MAOB: variants seen among roughly 807,000 people sequenced by gnomAD.
MAOB encodes monoamine oxidase B, also known as amine oxidase [flavin-containing] B.
MAOB carries 15 observed loss-of-function variants against 41.9 expected under a neutral mutation model. The ratio of observed to expected loss-of-function variants is 0.36; its 90% CI spans 0.24 to 0.55. The LOEUF (loss-of-function observed/expected upper bound fraction) is 0.55. Among genes scored for constraint, MAOB ranks in the 20% least tolerant of loss-of-function variants. The probability of loss-of-function intolerance (pLI) is 0.86; values close to 1 mark genes in which losing one functional copy is unlikely to be tolerated. For missense variants in MAOB, 345 were observed against 398.7 expected (o/e 0.87, Z 1.15); for synonymous variants, 167 against 144.2 (o/e 1.16, Z -1.13).
intron 8 of MAOB, among the ~76,000 whole-genome samples, chrX:43,788,120 C>T (rs1025669957): frequency 9.0e-6 from 1 of 111,116 alleles, no homozygotes; most frequent in Non-Finnish European, 1.9e-5. Flanking sequence ...CCACTCATGG[C>T]TGAAGGTGAA....
At chrX:43,777,387 CA>C (rs374282429) in intron 11 of MAOB, among the ~76,000 whole-genome samples, 82 of 94,886 alleles carry the variant, frequency 8.6e-4, no homozygotes, top group Admixed American at 9.1e-4. Context: ...TATATGAAAG[CA>C]AAAAAAAAAA....
intron 7 of MAOB, among the ~76,000 whole-genome samples, chrX:43,794,591 C>G (rs2034504542): frequency 9.0e-6 from 1 of 110,816 alleles, no homozygotes; most frequent in Non-Finnish European, 1.9e-5. Context: ...ATAGGAGGTG[C>G]TTGATATTTA....
intron 1 of MAOB, among the ~76,000 whole-genome samples, chrX:43,867,619 T>C (rs927669403): frequency 2.7e-5 from 3 of 112,259 alleles, no homozygotes; most frequent in Non-Finnish European, 3.8e-5. Context: ...CAATATACTG[T>C]ACAGACCACC....
chrX:43,878,550 T>C (rs759983063), intron 1 of MAOB, among the ~76,000 whole-genome samples: 1 of 110,970 alleles, frequency 9.0e-6, no homozygotes, highest in East Asian at 2.8e-4. Context: ...CTTTTAATAT[T>C]GCTGTATTAC....
intron 3 of MAOB, among the ~76,000 whole-genome samples, chrX:43,807,791 G>A (rs1257118974): frequency 3.6e-5 from 4 of 112,284 alleles, no homozygotes; most frequent in Admixed American, 9.4e-5. Context: ...TGCCTAGGAC[G>A]TGCTGGCAGA....
intron 8 of MAOB, among the ~76,000 whole-genome samples, chrX:43,784,444 C>T (rs373968501): frequency 1.8e-5 from 2 of 112,457 alleles, no homozygotes; most frequent in East Asian, 2.8e-4. Context: ...ACAATAATCT[C>T]CTTGCACATC....
chrX:43,875,815 T>C (rs2035435929), intron 1 of MAOB, among the ~76,000 whole-genome samples: 1 of 111,531 alleles, frequency 9.0e-6, no homozygotes, highest in Non-Finnish European at 1.9e-5. Context: ...GCTTTTCAAG[T>C]ACCAAGAAAA....
chrX:43,781,316 C>A (rs1343178853), intron 9 of MAOB, 132 bp downstream of exon 9: 2 of 325,710 alleles, frequency 6.1e-6, no homozygotes, highest in Non-Finnish European at 1.1e-5. Context: ...ATTTTTGTAC[C>A]GCTGAATTTG....
intron 3 of MAOB, among the ~76,000 whole-genome samples, chrX:43,813,526 T>C (rs1192506622): frequency 8.9e-6 from 1 of 112,424 alleles, no homozygotes; most frequent in Non-Finnish European, 1.9e-5. Flanking sequence ...GAGCCACTTC[T>C]CATGTGGTCC....
chrX:43,856,132 G>A (rs1201823280), intron 1 of MAOB, among the ~76,000 whole-genome samples: 8 of 111,559 alleles, frequency 7.2e-5, no homozygotes, highest in Non-Finnish European at 1.9e-5. Flanking sequence ...CTCCCAGGCT[G>A]GAGTGCAGTG....
At chrX:43,807,385 C>T (rs1223109407) in intron 3 of MAOB, among the ~76,000 whole-genome samples, 1 of 112,189 alleles carries the variant, frequency 8.9e-6, no homozygotes, top group Non-Finnish European at 1.9e-5. Flanking sequence ...GGAAGTATGC[C>T]CAGATTAGCA....
intron 1 of MAOB, among the ~76,000 whole-genome samples, chrX:43,878,234 C>T (rs909649830): frequency 9.0e-6 from 1 of 111,279 alleles, no homozygotes. Flanking sequence ...GACACTAAGC[C>T]TATTCTCCCC....
At position 43,782,998 on chromosome X, in the gene MAOB, A is replaced by T. The variant is rs185709226; in HGVS notation, c.929-1454T>A. The stretch of plus-strand genomic sequence containing the variant: ...GTATTGATGGAACGTATCTCAAAAT[A>T]ATAAGAGCTATTTAGGACAAACCCA... On this transcript the variant is annotated intron_variant, in intron 8 of 14. Coordinates refer to ENST00000378069, the MANE Select transcript of MAOB (RefSeq NM_000898.5). 3.5e-3 allele frequency among the ~76,000 whole-genome samples: 394 copies of T among 112,003 alleles called. 3 individuals carry two copies. Among genetic ancestry groups the T allele is most frequent in the Non-Finnish European group, 4.1e-3 (216 of 53,256 alleles).
At chrX:43,852,133 T>C (rs150206469) in intron 1 of MAOB, among the ~76,000 whole-genome samples, 1 of 111,698 alleles carries the variant, frequency 9.0e-6, no homozygotes, top group Non-Finnish European at 1.9e-5. Context: ...TCCCCATCTA[T>C]AAAATAAGGT....
chrX:43,798,312 A>G (rs189162976), intron 5 of MAOB, among the ~76,000 whole-genome samples: 2 of 112,457 alleles, frequency 1.8e-5, no homozygotes, highest in Non-Finnish European at 3.8e-5. Context: ...GCATGATTGA[A>G]CGAATGAATG....
intron 8 of MAOB, among the ~76,000 whole-genome samples, chrX:43,791,177 G>A (rs756630858): frequency 2.7e-5 from 3 of 111,833 alleles, no homozygotes; most frequent in Non-Finnish European, 1.9e-5. Context: ...AGTCCTAAAC[G>A]TGATTATCTG....
intron 1 of MAOB, among the ~76,000 whole-genome samples, chrX:43,860,009 T>C (rs2035321587): frequency 1.8e-5 from 2 of 112,271 alleles, no homozygotes; most frequent in Non-Finnish European, 3.8e-5. Context: ...CACACCTTTG[T>C]CCTTAAATGA....
intron 3 of MAOB, among the ~76,000 whole-genome samples, chrX:43,810,918 C>T (rs1428895825): frequency 8.9e-6 from 1 of 112,140 alleles, no homozygotes; most frequent in East Asian, 2.8e-4. Context: ...ACAACCACTT[C>T]TTACCCATAA....
At chrX:43,795,992 A>T (rs1232770304) in intron 6 of MAOB, 104 bp from the exon 7 acceptor site, 1 of 873,432 alleles carries the variant, frequency 1.1e-6, no homozygotes, top group African/African-American at 2.0e-5. Flanking sequence ...CTAACATTTC[A>T]TTTTGCTGCA....
Sources: gnomAD v4.1 joint callset for allele counts (sites outside exome capture counted in the v4.1 genomes callset) on GRCh38, gnomAD v4.1.1 for gene constraint, MANE v1.5 for transcripts, NCBI Gene and HGNC (gene_info 2026-07-23, HGNC 2026-07-21) for gene names.